Variants in EML5 observed in about 807,000 individuals in gnomAD.
The protein encoded by EML5 is echinoderm microtubule-associated protein-like 5.
In EML5, 120 loss-of-function variants were observed where a neutral mutation model predicts 250.0. The observed-to-expected ratio is 0.48, with a 90% CI of 0.41 to 0.56. The LOEUF (loss-of-function observed/expected upper bound fraction) is 0.56, where lower values mean the gene tolerates loss of function less well. EML5 is among the 20% of genes least tolerant of loss of function. The probability of loss-of-function intolerance (pLI) is 0.00; values close to 1 mark genes in which losing one functional copy is unlikely to be tolerated. For missense variants in EML5, 2,006 were observed against 2,437.6 expected, an observed-to-expected ratio of 0.82 and a Z score of 3.73; for synonymous variants, 771 against 806.5, an observed-to-expected ratio of 0.96 and a Z score of 0.75.
At chr14:88,732,914 G>A (rs1488719475) in intron 7 of EML5, among the ~76,000 whole-genome samples, 2 of 152,102 alleles carry the variant, frequency 1.3e-5, no homozygotes, top group South Asian at 2.1e-4. Flanking sequence ...AGGTTCTAGC[G>A]ATATTATTAA....
chr14:88,705,953 C>T (rs1175329227), intron 11 of EML5: 1 of 533,872 alleles, frequency 1.9e-6, no homozygotes, highest in African/African-American at 1.9e-5. Context: ...TCAATAAAAG[C>T]ATTTACAAAA....
intron 23 of EML5, among the ~76,000 whole-genome samples, chr14:88,663,329 T>C (rs940164081): frequency 3.3e-5 from 5 of 152,210 alleles, no homozygotes; most frequent in Admixed American, 1.3e-4. Flanking sequence ...TTTGTATATG[T>C]ATATACATAA....
Position 88,632,982 on chromosome 14 carries a change from G to A in EML5, c.4357+1487C>T, listed in dbSNP as rs891444662. Among the ~76,000 whole-genome samples the A allele has an allele frequency of 6.6e-5, 10 of 152,194 alleles. No individual in the cohort carries two copies. The East Asian group carries it at 1.2e-3, about 18-fold the overall frequency. ...TAGAAACCCTGTAACTAGATGCTCC[G>A]GATTCCACCTCATATGTCTTTTCCC... On this transcript the variant is annotated intron_variant, in intron 33 of 43. Coordinates refer to ENST00000554922, the MANE Select transcript of EML5 (RefSeq NM_183387.3).
At chr14:88,749,617 C>T (rs1402978663) in intron 2 of EML5, among the ~76,000 whole-genome samples, 4 of 151,984 alleles carry the variant, frequency 2.6e-5, no homozygotes, top group Non-Finnish European at 4.4e-5. Context: ...AAATAAATGA[C>T]GATAGCACCA....
intron 19 of EML5, 29 bp downstream of exon 19, chr14:88,687,187 T>C (rs775073941): frequency 3.9e-6 from 6 of 1,537,516 alleles, no homozygotes; most frequent in African/African-American, 1.4e-5. Flanking sequence ...TTTTTTCCTA[T>C]ACAAAAACCC....
chr14:88,705,113 A>G, intron 12 of EML5, 135 bp from the exon 13 acceptor site: 1 of 623,604 alleles, frequency 1.6e-6, no homozygotes, highest in Non-Finnish European at 2.7e-6. Context: ...AAGTTAATTC[A>G]TGAAATTTAC....
chr14:88,784,683 C>G (rs1330100592), intron 1 of EML5, among the ~76,000 whole-genome samples: 1 of 151,990 alleles, frequency 6.6e-6, no homozygotes, highest in Admixed American at 6.6e-5. Context: ...ACCATCTCAC[C>G]CCAGTTAAAA....
Position 88,616,359 on chromosome 14 carries a change from G to A in EML5, c.5797-117C>T, listed in dbSNP as rs554135365. ...GTGGAGAGAGTAGGGAGTTAGCACC[G>A]CAGCCAGTGATTAGAATGCTTTTCA... is the stretch of plus-strand genomic sequence containing the variant. On this transcript the variant is annotated intron_variant, in intron 42 of 43. Transcript: ENST00000554922. 49 of 974,778 alleles carry A rather than the reference G, an allele frequency of 5.0e-5. No individual in the cohort carries two copies. In the Admixed American group the frequency reaches 5.9e-4, roughly 12 times the overall value. 60.4% of individuals were successfully genotyped at this position (974,778 alleles called of 1,614,324 possible).
At chr14:88,640,987 A>AAAG (rs201139712) in intron 31 of EML5, among the ~76,000 whole-genome samples, 8 of 151,928 alleles carry the variant, frequency 5.3e-5, no homozygotes, top group South Asian at 2.1e-4. Context: ...GCCTCTAAAA[A>AAAG]AAGAAGAAGA....
chr14:88,730,550 G>A (rs979418993), intron 7 of EML5, among the ~76,000 whole-genome samples: 1 of 152,122 alleles, frequency 6.6e-6, no homozygotes, highest in Non-Finnish European at 1.5e-5. Flanking sequence ...AGAATATTGG[G>A]AACACTACCA....
chr14:88,669,301 G>A (rs577919273), intron 21 of EML5, among the ~76,000 whole-genome samples: 14 of 152,296 alleles, frequency 9.2e-5, no homozygotes, highest in African/African-American at 2.4e-4. Context: ...GGGAAGGGAC[G>A]GCTGTCATCA....
intron 43 of EML5, 37 bp downstream of exon 43, chr14:88,616,105 C>T: frequency 6.3e-7 from 1 of 1,598,452 alleles, no homozygotes; most frequent in Non-Finnish European, 8.6e-7. Context: ...TAACTAGTAA[C>T]ATAGTCTGCT....
intron 21 of EML5, among the ~76,000 whole-genome samples, chr14:88,673,057 T>C (rs190791250): frequency 1.3e-5 from 2 of 152,188 alleles, no homozygotes; most frequent in Middle Eastern, 3.4e-3. Context: ...ATGATCTTGA[T>C]ACCAAAACCT....
chr14:88,659,392 A>C (rs1478374437), intron 25 of EML5, among the ~76,000 whole-genome samples: 1 of 152,086 alleles, frequency 6.6e-6, no homozygotes, highest in Non-Finnish European at 1.5e-5. Context: ...TTCTGTTTTT[A>C]ATAGAGACGG....
chr14:88,672,338 T>C (rs1212864226), intron 21 of EML5, among the ~76,000 whole-genome samples: 1 of 152,134 alleles, frequency 6.6e-6, no homozygotes, highest in East Asian at 1.9e-4. Context: ...CAAGAAGTCC[T>C]TTGAAACCAA....
At chr14:88,779,980 T>C (rs549729012) in intron 1 of EML5, among the ~76,000 whole-genome samples, 2 of 152,278 alleles carry the variant, frequency 1.3e-5, no homozygotes, top group South Asian at 4.1e-4. Flanking sequence ...AATGGAGTCT[T>C]GCTCTGTTGC....
chr14:88,673,901 T>A (rs2092532175), intron 21 of EML5, among the ~76,000 whole-genome samples: 2 of 152,216 alleles, frequency 1.3e-5, no homozygotes, highest in African/African-American at 4.8e-5. Flanking sequence ...AATAATTCCA[T>A]GCTCATACAT....
chr14:88,677,107 A>G (rs2092612487), intron 21 of EML5, among the ~76,000 whole-genome samples: 1 of 151,940 alleles, frequency 6.6e-6, no homozygotes, highest in Non-Finnish European at 1.5e-5. Flanking sequence ...GTCTCACCAT[A>G]TTGGCCAGAC....
At position 88,658,232 on chromosome 14, in the gene EML5, G is replaced by C. The variant is rs749320230; in HGVS notation, c.3832C>G (p.Pro1278Ala). Reference sequence around the variant, plus strand: ...ATGTCGGATTCTTCACTATCACAAGGCCTTTTTTCTCGATAGCCTTCCATC... The same window carrying C: ...ATGTCGGATTCTTCACTATCACAAGCCCTTTTTTCTCGATAGCCTTCCATC... ...NEMEGYREKR[P>A]CDSEESDIDS... The change falls in exon 26 of 44, where the codon CCT becomes GCT. Residue 1278 changes from proline (P) to alanine (A), a missense_variant. By Grantham distance (27) the Pro-to-Ala change is conservative. Transcript: ENST00000554922. 5.6e-6 allele frequency: 9 copies of C among 1,613,476 alleles called. No homozygotes were observed. Among genetic ancestry groups the C allele is most frequent in the South Asian group, 4.4e-5 (4 of 91,062 alleles).
Sources: gnomAD v4.1 joint callset for allele counts (sites outside exome capture counted in the v4.1 genomes callset) on GRCh38, gnomAD v4.1.1 for gene constraint, MANE v1.5 for transcripts, NCBI Gene and HGNC (gene_info 2026-07-23, HGNC 2026-07-21) for gene names.